Variants in KATNIP observed in about 807,000 individuals in gnomAD.
The protein encoded by KATNIP is katanin-interacting protein.
In KATNIP, 126 loss-of-function variants were observed where a neutral mutation model predicts 174.0. The observed-to-expected ratio is 0.72, with a 90% CI of 0.63 to 0.84. The LOEUF is 0.84. Among genes scored for constraint, KATNIP ranks in the 40% least tolerant of loss-of-function variants. The pLI, the probability that KATNIP is intolerant of heterozygous loss-of-function variation, is 0.00. For synonymous variants in KATNIP, 810 were observed against 835.7 expected, an observed-to-expected ratio of 0.97 and a Z score of 0.53; for missense variants, 1,958 against 2,109.7, an observed-to-expected ratio of 0.93 and a Z score of 1.41.
chr16:27,616,683 C>T (rs545307744), intron 2 of KATNIP, among the ~76,000 whole-genome samples: 5 of 150,076 alleles, frequency 3.3e-5, no homozygotes, highest in East Asian at 2.0e-4. Context: ...GCTGAGATCG[C>T]GCCACTGCAC....
intron 5 of KATNIP, among the ~76,000 whole-genome samples, chr16:27,644,019 CT>C (rs34902124): frequency 0.76 from 78,163 of 102,476 alleles, 29,753 homozygotes; most frequent in South Asian, 0.89. Context: ...GAGACATAAT[CT>C]TTTTTTTTTT....
rs1354836366 is a variant in KATNIP, at chr16:27,628,835, GC to G, written c.310+6del. On this transcript the variant is annotated splice_donor_region_variant and intron_variant, in intron 4 of 27. Transcript: ENST00000261588. ...CCCACACGGAGGGGACACACGGTGA[GC>G]ACAGGCCCTCCAGGCTGAGTCTCAG... 1.9e-6 allele frequency: 3 copies of G among 1,613,696 alleles called. No homozygotes were observed. The African/African-American group carries it at 4.0e-5, about 22-fold the overall frequency.
chr16:27,699,897 TA>T (rs756939233), intron 10 of KATNIP, among the ~76,000 whole-genome samples: 1 of 152,048 alleles, frequency 6.6e-6, no homozygotes, highest in African/African-American at 2.4e-5. Context: ...TCTATTTATT[TA>T]TTTTTTTATT....
At chr16:27,583,400 C>G (rs1488521092) in intron 2 of KATNIP, among the ~76,000 whole-genome samples, 2 of 152,166 alleles carry the variant, frequency 1.3e-5, no homozygotes, top group African/African-American at 4.8e-5. Context: ...CCCTCCACCC[C>G]CAGAAGTCAC....
chr16:27,741,001 C>G (rs374304400), intron 15 of KATNIP, 81 bp downstream of exon 15: 4 of 1,349,458 alleles, frequency 3.0e-6, no homozygotes, highest in African/African-American at 2.9e-5. Flanking sequence ...GCTCCTGGAC[C>G]TCAGTTTCCT....
intron 2 of KATNIP, among the ~76,000 whole-genome samples, chr16:27,578,345 CAAAAT>C (rs1425907395): frequency 3.3e-5 from 5 of 152,098 alleles, no homozygotes; most frequent in African/African-American, 4.8e-5. Context: ...AAAAAGAAAA[CAAAAT>C]AAATAGCTCT....
intron 2 of KATNIP, among the ~76,000 whole-genome samples, chr16:27,587,488 A>G (rs1282943023): frequency 6.6e-6 from 1 of 152,232 alleles, no homozygotes; most frequent in Non-Finnish European, 1.5e-5. Context: ...ATGGTTCGTT[A>G]TCGTACCAAC....
At chr16:27,766,584 A>C in intron 20 of KATNIP, 110 bp downstream of exon 20, 1 of 1,167,054 alleles carries the variant, frequency 8.6e-7, no homozygotes, top group Non-Finnish European at 1.2e-6. Flanking sequence ...GAATTTTCCA[A>C]ACGGAGCTGG....
rs545538202 is a variant in KATNIP, at chr16:27,704,131, C to T, written c.1389+133C>T. 9.0e-5 allele frequency: 61 copies of T among 680,168 alleles called. No homozygotes were observed. The East Asian group carries it at 1.3e-3, about 14-fold the overall frequency. 42.1% of individuals were successfully genotyped at this position (680,168 alleles called of 1,614,324 possible). ...TGCCTGTGTTTCCACCGCCCCCCCC[C>T]TCCCTGGCACACAGAGGTATATATG... On this transcript the variant is annotated intron_variant, in intron 12 of 27. Coordinates refer to ENST00000261588, the MANE Select transcript of KATNIP (RefSeq NM_015202.5).
At position 27,775,050 on chromosome 16, in the gene KATNIP, G is replaced by A. The variant is rs541771639; in HGVS notation, c.4415G>A (p.Arg1472Gln). 25 of 1,612,854 alleles carry A rather than the reference G, an allele frequency of 1.6e-5. No individual in the cohort carries two copies. Among genetic ancestry groups the A allele is most frequent in the South Asian group, 6.6e-5 (6 of 91,020 alleles). The change falls in exon 24 of 28, where the codon CGG (arginine) becomes CAG (glutamine). Residue 1472 changes from arginine to glutamine, a missense_variant. Around this residue, in one of 3 missense-constraint regions of KATNIP, gnomAD observed 383 missense variants for 456.0 expected, o/e 0.84. Transcript: ENST00000261588. Reference sequence around the variant, plus strand: ...CAAGTGAACGACACCAGTGATGGCCGGCACATGTGGCTGGCTCCCATCCTG... The same window carrying A: ...CAAGTGAACGACACCAGTGATGGCCAGCACATGTGGCTGGCTCCCATCCTG... ...IDQVNDTSDG[R>Q]HMWLAPILPG... is the part of the protein sequence containing the mutation.
chr16:27,761,725 G>A lies in KATNIP; in HGVS notation c.3809+135G>A, dbSNP rs539589272. On this transcript the variant is annotated intron_variant, in intron 19 of 27. Coordinates refer to ENST00000261588, the MANE Select transcript of KATNIP (RefSeq NM_015202.5). Reference sequence around the variant, plus strand: ...CCTGGCCACCCTGTGAGGTAATGTGGTCAAGGGAAACCGAGGCTCAGGAAA... The same window carrying A: ...CCTGGCCACCCTGTGAGGTAATGTGATCAAGGGAAACCGAGGCTCAGGAAA... The A allele has an allele frequency of 5.0e-6, 4 of 795,876 alleles. No individual in the cohort carries two copies. The East Asian group carries it at 1.1e-4, about 21-fold the overall frequency. The allele number at this position is 795,876 out of a possible 1,614,324, so 49.3% of individuals were successfully genotyped here. A position where few individuals can be genotyped will look rare whatever the true frequency, so the allele number is the denominator to read the frequency against.
intron 20 of KATNIP, among the ~76,000 whole-genome samples, chr16:27,767,383 C>T (rs1005932340): frequency 2.0e-5 from 3 of 152,192 alleles, no homozygotes; most frequent in Non-Finnish European, 4.4e-5. Flanking sequence ...GATCTGGGCT[C>T]CCCACCATAT....
At chr16:27,664,670 C>G (rs1318642044) in intron 6 of KATNIP, among the ~76,000 whole-genome samples, 2 of 152,134 alleles carry the variant, frequency 1.3e-5, no homozygotes, top group African/African-American at 4.8e-5. Flanking sequence ...GTCAGTTTTC[C>G]CCTGCATTTG....
Position 27,761,432 on chromosome 16 carries a change from T to C in KATNIP, c.3651T>C (p.Thr1217=), listed in dbSNP as rs2081950868. Residue 1217 remains threonine (T), a synonymous_variant, in exon 19 of 28, where the codon ACT becomes ACC. Coordinates refer to ENST00000261588, the MANE Select transcript of KATNIP (RefSeq NM_015202.5). ...TTGCAGGCCTTCAGCTGAATTTCAC[T>C]GCCTCCTGGGGAGACTTGCACTACC... is the stretch of plus-strand genomic sequence containing the variant. ...YHGICLQLNF[T]ASWGDLHYLG... is the part of the protein sequence containing the mutation. The C allele has an allele frequency of 6.2e-7, 1 of 1,608,850 alleles. No individual in the cohort carries two copies. The highest frequency in any genetic ancestry group is 1.1e-5 in the South Asian group (1 of 90,838).
At chr16:27,754,376 C>T in intron 18 of KATNIP, 125 bp downstream of exon 18, 1 of 778,610 alleles carries the variant, frequency 1.3e-6, no homozygotes, top group Non-Finnish European at 2.1e-6. Context: ...ACAGAGACAC[C>T]AGGCCATGGG....
At chr16:27,635,011 C>T (rs971063531) in intron 5 of KATNIP, among the ~76,000 whole-genome samples, 7 of 152,188 alleles carry the variant, frequency 4.6e-5, no homozygotes, top group Middle Eastern at 3.4e-3. Flanking sequence ...GGGGAAGTCA[C>T]GGGACAGGGA....
At chr16:27,687,911 G>A (rs953787081) in intron 8 of KATNIP, among the ~76,000 whole-genome samples, 17 of 152,168 alleles carry the variant, frequency 1.1e-4, no homozygotes, top group Non-Finnish European at 1.5e-4. Context: ...ATTAGCCAGC[G>A]TTCATTAACA....
chr16:27,631,899 A>G (rs939530861), intron 5 of KATNIP, among the ~76,000 whole-genome samples: 3 of 152,174 alleles, frequency 2.0e-5, no homozygotes, highest in African/African-American at 7.2e-5. Context: ...ATTTTGGAGC[A>G]TCTACCCCAG....
chr16:27,628,589 C>G, intron 3 of KATNIP, 72 bp from the exon 4 acceptor site: 1 of 1,515,840 alleles, frequency 6.6e-7, no homozygotes, highest in South Asian at 1.2e-5. Flanking sequence ...CAGCAGTTCA[C>G]TCCTGGCTTG....
Sources: allele counts gnomAD v4.1 joint callset (sites outside exome capture counted in the v4.1 genomes callset), GRCh38; gene constraint gnomAD v4.1.1; regional missense constraint gnomAD v4.1.1; transcripts MANE v1.5; gene names NCBI Gene and HGNC (gene_info 2026-07-23, HGNC 2026-07-21).